DGKB: variants seen among roughly 807,000 people sequenced by gnomAD.
DGKB encodes 90 kDa diacylglycerol kinase.
Under a neutral mutation model 114.3 loss-of-function variants are expected in DGKB, and 67 were observed. The ratio of observed to expected loss-of-function variants is 0.59; its 90% CI spans 0.48 to 0.72. The LOEUF is 0.72. Among genes scored for constraint, DGKB ranks in the 30% least tolerant of loss-of-function variants. DGKB has a pLI of 0.00. For missense variants in DGKB, 907 were observed against 975.2 expected, an observed-to-expected ratio of 0.93 and a Z score of 0.93; for synonymous variants, 398 against 323.1, an observed-to-expected ratio of 1.23 and a Z score of -2.49.
chr7:14,436,800 T>C (rs909195966), intron 21 of DGKB, among the ~76,000 whole-genome samples: 1 of 152,158 alleles, frequency 6.6e-6, no homozygotes, highest in African/African-American at 2.4e-5. Flanking sequence ...TTGACCTTTG[T>C]TTTAATTAAT....
chr7:14,973,729 G>A (rs1269079132), intron 1 of DGKB, among the ~76,000 whole-genome samples: 1 of 149,066 alleles, frequency 6.7e-6, no homozygotes, highest in African/African-American at 2.4e-5. Flanking sequence ...TGAGATTACA[G>A]CCCATATTAT....
intron 20 of DGKB, among the ~76,000 whole-genome samples, chr7:14,497,012 A>T (rs1785397367): frequency 6.6e-6 from 1 of 151,868 alleles, no homozygotes; most frequent in Non-Finnish European, 1.5e-5. Context: ...TCAGCCATAA[A>T]CAAATGAAAT....
intron 20 of DGKB, among the ~76,000 whole-genome samples, chr7:14,548,448 T>C (rs546619903): frequency 1.3e-5 from 2 of 152,224 alleles, no homozygotes; most frequent in South Asian, 2.1e-4. Context: ...CTTCCACTAA[T>C]TATTCAAAAA....
chr7:14,862,023 GA>G (rs2128181367), intron 1 of DGKB, among the ~76,000 whole-genome samples: 1 of 152,022 alleles, frequency 6.6e-6, no homozygotes, highest in African/African-American at 2.4e-5. Flanking sequence ...ATCAATACTT[GA>G]TAATATCTGA....
intron 20 of DGKB, among the ~76,000 whole-genome samples, chr7:14,516,963 T>C (rs1788898025): frequency 6.6e-6 from 1 of 152,062 alleles, no homozygotes; most frequent in Non-Finnish European, 1.5e-5. Flanking sequence ...AAATTTTAAA[T>C]TCATACAGAA....
chr7:14,659,881 G>C (rs1315896842), intron 13 of DGKB, among the ~76,000 whole-genome samples: 1 of 151,960 alleles, frequency 6.6e-6, no homozygotes, highest in Non-Finnish European at 1.5e-5. Context: ...GTCATAGATA[G>C]CTCTAACTAT....
At chr7:14,324,443 T>C (rs1484337610) in intron 23 of DGKB, among the ~76,000 whole-genome samples, 5 of 72,348 alleles carry the variant, frequency 6.9e-5, no homozygotes, top group Admixed American at 1.7e-4. Context: ...TGAGACTCTG[T>C]CTCAAAAAAA....
At position 14,149,024 on chromosome 7, in the gene DGKB, A is replaced by T; in HGVS notation, c.*107T>A. 2 of 976,790 alleles carry T rather than the reference A, an allele frequency of 2.0e-6. No individual in the cohort carries two copies. The highest frequency in any genetic ancestry group is 1.4e-5 in the South Asian group (1 of 73,612). The allele number at this position is 976,790 out of a possible 1,614,324, so 60.5% of individuals were successfully genotyped here. A position where few individuals can be genotyped will look rare whatever the true frequency, so the allele number is the denominator to read the frequency against. ...TAACAAAAACTGTTAAACCACTTCC[A>T]TGATTTTGCATGAGCAGGAGACTTG... On this transcript the variant is annotated 3_prime_UTR_variant, in exon 26 of 26. Coordinates refer to ENST00000402815, the MANE Select transcript of DGKB (RefSeq NM_001350709.2).
intron 21 of DGKB, among the ~76,000 whole-genome samples, chr7:14,423,332 A>G (rs542140273): frequency 6.6e-6 from 1 of 152,174 alleles, no homozygotes; most frequent in South Asian, 2.1e-4. Flanking sequence ...TCTTTAAAAT[A>G]AATGTCAAAA....
chr7:14,854,776 C>G (rs1176309656), intron 1 of DGKB, among the ~76,000 whole-genome samples: 2 of 152,064 alleles, frequency 1.3e-5, no homozygotes, highest in African/African-American at 4.8e-5. Context: ...TTAGTACGAG[C>G]TATGATTTTC....
chr7:14,216,702 G>A (rs1225499162), intron 23 of DGKB, among the ~76,000 whole-genome samples: 2 of 146,064 alleles, frequency 1.4e-5, no homozygotes, highest in African/African-American at 2.6e-5. Context: ...CTCCAACCTG[G>A]GTGACAGAGC....
rs1248961079 is a variant in DGKB, at chr7:14,491,397, T to C, written c.1771-13172A>G. Among the ~76,000 whole-genome samples, 37 of 152,108 alleles carry C rather than the reference T, an allele frequency of 2.4e-4. 1 individual carries two copies. The highest frequency in any genetic ancestry group is 2.4e-3 in the Admixed American group (37 of 15,246). ...AGATCTTCCCAGGCACGTGGAACTG[T>C]GAATCCATTAAATCTCTTTTTCTTT... is the stretch of plus-strand genomic sequence containing the variant. On this transcript the variant is annotated intron_variant, in intron 20 of 25. Coordinates refer to ENST00000402815, the MANE Select transcript of DGKB (RefSeq NM_001350709.2).
At chr7:14,862,406 G>T (rs1254286154) in intron 1 of DGKB, among the ~76,000 whole-genome samples, 2 of 151,948 alleles carry the variant, frequency 1.3e-5, no homozygotes, top group South Asian at 2.1e-4. Flanking sequence ...AGCTGCTAAT[G>T]ATTTTTAAGT....
At chr7:14,402,356 C>A (rs1823263291) in intron 21 of DGKB, among the ~76,000 whole-genome samples, 2 of 151,786 alleles carry the variant, frequency 1.3e-5, no homozygotes, top group African/African-American at 4.8e-5. Flanking sequence ...ATATCAATGC[C>A]TAATTTTAAT....
intron 1 of DGKB, among the ~76,000 whole-genome samples, chr7:14,919,672 T>A (rs2128246644): frequency 6.6e-6 from 1 of 152,284 alleles, no homozygotes; most frequent in South Asian, 2.1e-4. Context: ...TATTTGGTGA[T>A]AAAGGGAAAT....
At chr7:14,470,049 T>G (rs936225969) in intron 21 of DGKB, among the ~76,000 whole-genome samples, 2 of 151,822 alleles carry the variant, frequency 1.3e-5, no homozygotes, top group Non-Finnish European at 2.9e-5. Context: ...TTTCAAAAAT[T>G]TCATTTAAAT....
intron 6 of DGKB, among the ~76,000 whole-genome samples, chr7:14,712,658 G>A (rs1357910522): frequency 6.6e-6 from 1 of 151,978 alleles, no homozygotes; most frequent in Non-Finnish European, 1.5e-5. Flanking sequence ...GAAACAGAGT[G>A]AGACTGTGTC....
chr7:14,868,280 G>A (rs1462725674), intron 1 of DGKB, among the ~76,000 whole-genome samples: 1 of 151,570 alleles, frequency 6.6e-6, no homozygotes. Context: ...CCCTATGCTT[G>A]CCTCTTGCCA....
At chr7:14,447,268 C>G (rs1472847766) in intron 21 of DGKB, among the ~76,000 whole-genome samples, 2 of 152,080 alleles carry the variant, frequency 1.3e-5, no homozygotes, top group Admixed American at 1.3e-4. Context: ...TGGGGCCCCT[C>G]TACTGCTGAG....
Sources: allele counts gnomAD v4.1 joint callset (sites outside exome capture counted in the v4.1 genomes callset), GRCh38; gene constraint gnomAD v4.1.1; transcripts MANE v1.5; gene names NCBI Gene and HGNC (gene_info 2026-07-23, HGNC 2026-07-21).